MOB1A: variants seen among roughly 807,000 people sequenced by gnomAD.
MOB1A encodes the protein MOB kinase activator 1A.
In MOB1A, 10 loss-of-function variants were observed where a neutral mutation model predicts 25.1. That is an observed-to-expected ratio of 0.40 (90% confidence interval 0.25 to 0.68). The LOEUF is 0.68. MOB1A is among the 30% of genes least tolerant of loss of function. MOB1A has a pLI of 0.40. For missense variants in MOB1A, 177 were observed against 256.3 expected (o/e 0.69, Z 2.11); for synonymous variants, 81 against 79.5 (o/e 1.02, Z -0.10).
chr2:74,173,311 A>G (rs1318398722), intron 1 of MOB1A: 1 of 458,024 alleles, frequency 2.2e-6, no homozygotes, highest in Non-Finnish European at 4.4e-6. Context: ...CCTGGATTTT[A>G]GTTCTTGATC....
At chr2:74,178,604 G>T in intron 1 of MOB1A, 57 bp downstream of exon 1, 2 of 1,311,090 alleles carry the variant, frequency 1.5e-6, no homozygotes, top group South Asian at 1.8e-5. Flanking sequence ...GGTCCGGGGA[G>T]GCCTCCCCCA....
rs1692796628 is a variant in MOB1A, at chr2:74,156,026, T to C, written c.*542A>G. On this transcript the variant is annotated 3_prime_UTR_variant, in exon 6 of 6. Transcript: ENST00000396049. Reference sequence around the variant, plus strand: ...TATCTTATCTATAAAAACACTACCATACAAACTTGAAACTAAAATGTTATC... The same window carrying C: ...TATCTTATCTATAAAAACACTACCACACAAACTTGAAACTAAAATGTTATC... The C allele has an allele frequency of 6.5e-6, 1 of 152,704 alleles. No homozygotes were observed. The highest frequency in any genetic ancestry group is 2.4e-5 in the African/African-American group (1 of 41,450). The allele number at this position is 152,704 out of a possible 1,614,324, so 9.5% of individuals were successfully genotyped here. A position where few individuals can be genotyped will look rare whatever the true frequency, so the allele number is the denominator to read the frequency against.
intron 2 of MOB1A, among the ~76,000 whole-genome samples, chr2:74,168,989 A>G (rs1314550600): frequency 6.6e-6 from 1 of 152,166 alleles, no homozygotes; most frequent in Non-Finnish European, 1.5e-5. Context: ...AAGAGGGCAC[A>G]ATGGTGTTTT....
intron 4 of MOB1A, among the ~76,000 whole-genome samples, chr2:74,162,436 T>A (rs1018197141): frequency 1.3e-5 from 2 of 152,076 alleles, no homozygotes; most frequent in East Asian, 3.8e-4. Flanking sequence ...GAGCCGAGAC[T>A]GTGCCACTGC....
At position 74,156,431 on chromosome 2, in the gene MOB1A, T is replaced by G; in HGVS notation, c.*137A>C. 1 of 728,614 alleles carries G rather than the reference T, an allele frequency of 1.4e-6. No homozygotes were observed. The highest frequency in any genetic ancestry group is 1.6e-5 in the South Asian group (1 of 60,710). 45.1% of individuals were successfully genotyped at this position (728,614 alleles called of 1,614,324 possible). ...ACACCAACCTACCTTTGGGATAATT[T>G]TATCAGTAGACACAGGCAATGGGTA... On this transcript the variant is annotated 3_prime_UTR_variant, in exon 6 of 6. Coordinates refer to ENST00000396049, the MANE Select transcript of MOB1A (RefSeq NM_018221.5).
At chr2:74,165,412 T>G in intron 3 of MOB1A, 61 bp from the exon 4 acceptor site, 1 of 1,055,804 alleles carries the variant, frequency 9.5e-7, no homozygotes. Context: ...GTGCAAGTTG[T>G]GATTAAAACA....
At chr2:74,158,867 C>T (rs1291219121) in intron 5 of MOB1A, among the ~76,000 whole-genome samples, 1 of 151,860 alleles carries the variant, frequency 6.6e-6, no homozygotes, top group African/African-American at 2.4e-5. Flanking sequence ...TAACCACAGA[C>T]CTAGGGTGGC....
intron 2 of MOB1A, among the ~76,000 whole-genome samples, chr2:74,167,660 G>T (rs141570511): frequency 1.3e-4 from 20 of 152,300 alleles, no homozygotes; most frequent in Non-Finnish European, 2.9e-4. Context: ...GACAAAACAT[G>T]TTGTGGAATA....
intron 5 of MOB1A, among the ~76,000 whole-genome samples, chr2:74,157,903 C>T (rs1572953129): frequency 1.3e-5 from 2 of 151,960 alleles, no homozygotes; most frequent in Non-Finnish European, 1.5e-5. Flanking sequence ...CGAAAAAGGC[C>T]GGGCATGGTG....
At chr2:74,173,366 C>A (rs1393868849) in intron 1 of MOB1A, among the ~76,000 whole-genome samples, 1 of 142,970 alleles carries the variant, frequency 7.0e-6, no homozygotes, top group Non-Finnish European at 1.5e-5. Context: ...TTCTTTTGGC[C>A]TCAATTTCGG....
intron 1 of MOB1A, among the ~76,000 whole-genome samples, chr2:74,173,553 T>C (rs1157972395): frequency 6.6e-6 from 1 of 151,556 alleles, no homozygotes. Context: ...GCTAATTTTT[T>C]TTTTTTTTAG....
intron 1 of MOB1A, among the ~76,000 whole-genome samples, chr2:74,177,397 G>C (rs2103756007): frequency 6.6e-6 from 1 of 152,214 alleles, no homozygotes; most frequent in East Asian, 1.9e-4. Context: ...GGTCCACAAA[G>C]CAACTGTGCA....
intron 1 of MOB1A, among the ~76,000 whole-genome samples, chr2:74,173,767 G>T (rs1395655130): frequency 6.7e-6 from 1 of 150,116 alleles, no homozygotes; most frequent in Admixed American, 6.6e-5. Flanking sequence ...TGGCTAACAC[G>T]GTGAAACCCC....
intron 4 of MOB1A, among the ~76,000 whole-genome samples, chr2:74,161,413 G>A (rs1272306209): frequency 1.3e-5 from 2 of 150,074 alleles, no homozygotes; most frequent in African/African-American, 4.9e-5. Flanking sequence ...GGAGGCCGAG[G>A]CGGGCGGATC....
intron 5 of MOB1A, among the ~76,000 whole-genome samples, chr2:74,157,418 CAGGT>C (rs1461271669): frequency 1.3e-5 from 2 of 152,068 alleles, no homozygotes; most frequent in Non-Finnish European, 2.9e-5. Context: ...TCATAATAAA[CAGGT>C]AGAGATAAGT....
At chr2:74,168,127 A>G (rs943741171) in intron 2 of MOB1A, among the ~76,000 whole-genome samples, 3 of 152,290 alleles carry the variant, frequency 2.0e-5, no homozygotes, top group East Asian at 1.9e-4. Context: ...TGACAGAGAC[A>G]CTGTCTCAAA....
intron 5 of MOB1A, 137 bp from the exon 6 acceptor site, chr2:74,156,782 A>T: frequency 1.5e-6 from 1 of 658,148 alleles, no homozygotes; most frequent in Non-Finnish European, 2.6e-6. Context: ...GAACATTTTA[A>T]AGTAGGCATT....
chr2:74,154,219 T>G lies in MOB1A; in HGVS notation c.*2349A>C, dbSNP rs1484234351. On this transcript the variant is annotated 3_prime_UTR_variant, in exon 6 of 6. Transcript: ENST00000396049. ...AAAAAAAAAAAAAAAAAGATTGATT[T>G]CGTCAAACTGTTATCAAAGGTTGGC... The G allele has an allele frequency of 2.0e-5, 3 of 151,782 alleles. No homozygotes were observed. The East Asian group carries it at 5.8e-4, about 29-fold the overall frequency. 9.4% of individuals were successfully genotyped at this position (151,782 alleles called of 1,614,324 possible). A position where few individuals can be genotyped will look rare whatever the true frequency, so the allele number is the denominator to read the frequency against.
intron 4 of MOB1A, 127 bp downstream of exon 4, chr2:74,165,091 A>C (rs1057467942): frequency 1.7e-6 from 1 of 578,802 alleles, no homozygotes; most frequent in Admixed American, 3.7e-5. Flanking sequence ...AGGCCAAGGC[A>C]GGAGGATCAC....
Sources: allele counts gnomAD v4.1 joint callset (sites outside exome capture counted in the v4.1 genomes callset), GRCh38; gene constraint gnomAD v4.1.1; transcripts MANE v1.5; gene names NCBI Gene and HGNC (gene_info 2026-07-23, HGNC 2026-07-21).